The following C13orf42 variants were observed in gnomAD, a reference collection of about 807,000 sequenced individuals.
The protein encoded by C13orf42 is chromosome 13 open reading frame 42, also known as uncharacterized protein C13orf42.
At chr13:51,147,925 C>T (rs962218425) in intron 1 of C13orf42, among the ~76,000 whole-genome samples, 10 of 150,856 alleles carry the variant, frequency 6.6e-5, no homozygotes, top group Admixed American at 4.6e-4. Flanking sequence ...ATGGAGAGGG[C>T]TTGAGAAGCC....
chr13:51,103,508 C>T (rs1593534100), intron 1 of C13orf42, among the ~76,000 whole-genome samples: 1 of 152,090 alleles, frequency 6.6e-6, no homozygotes, highest in African/African-American at 2.4e-5. Context: ...TGAGACCAGC[C>T]TGGCCAACAT....
At chr13:51,087,315 C>T (rs1410919877) in intron 2 of C13orf42, among the ~76,000 whole-genome samples, 1 of 152,216 alleles carries the variant, frequency 6.6e-6, no homozygotes, top group Non-Finnish European at 1.5e-5. Flanking sequence ...GTGGGCCTCT[C>T]CTGCCCTATG....
At chr13:51,129,992 G>A (rs888525885) in intron 1 of C13orf42, among the ~76,000 whole-genome samples, 1 of 152,146 alleles carries the variant, frequency 6.6e-6, no homozygotes, top group Non-Finnish European at 1.5e-5. Flanking sequence ...TCAATTCCTG[G>A]CTTATGGAAT....
chr13:51,110,299 C>A (rs186600394), intron 1 of C13orf42, among the ~76,000 whole-genome samples: 1 of 152,304 alleles, frequency 6.6e-6, no homozygotes, highest in Admixed American at 6.5e-5. Flanking sequence ...GCCATGCAAG[C>A]ATTATCTCAC....
rs528806014 is a variant in C13orf42, at chr13:51,139,034, C to T, written n.137-25812G>A. Among the ~76,000 whole-genome samples the T allele has an allele frequency of 1.3e-4, 20 of 152,208 alleles. No homozygotes were observed. The East Asian group carries it at 1.5e-3, about 12-fold the overall frequency. On this transcript the variant is annotated intron_variant and non_coding_transcript_variant, in intron 1 of 4. Transcript: ENST00000433280. Reference sequence around the variant, plus strand: ...TGAGGTGGCTAAAATAGTCAAACTCCGGCCGGGTGCAGTAGTTCACACCTG... The same window carrying T: ...TGAGGTGGCTAAAATAGTCAAACTCTGGCCGGGTGCAGTAGTTCACACCTG...
intron 1 of C13orf42, among the ~76,000 whole-genome samples, chr13:51,089,981 G>A (rs1953165866): frequency 6.6e-6 from 1 of 151,874 alleles, no homozygotes; most frequent in Non-Finnish European, 1.5e-5. Flanking sequence ...GCTGAGAAGA[G>A]GGACAATTCA....
At chr13:51,132,090 A>T (rs1174076369) in intron 1 of C13orf42, among the ~76,000 whole-genome samples, 2 of 152,212 alleles carry the variant, frequency 1.3e-5, no homozygotes, top group Non-Finnish European at 2.9e-5. Context: ...AACTTGAGAT[A>T]ATTTTGCTTA....
intron 1 of C13orf42, among the ~76,000 whole-genome samples, chr13:51,118,299 G>A (rs1323128323): frequency 1.3e-5 from 2 of 152,208 alleles, no homozygotes; most frequent in South Asian, 4.1e-4. Flanking sequence ...CAAGATCAAA[G>A]TCTTCCTATT....
chr13:51,150,160 T>C (rs1953767949), intron 1 of C13orf42, among the ~76,000 whole-genome samples: 1 of 152,258 alleles, frequency 6.6e-6, no homozygotes, highest in South Asian at 2.1e-4. Context: ...TGATCAGCTT[T>C]TACTGCTGAC....
At chr13:51,084,635 C>T (rs1232635840) in intron 3 of C13orf42, among the ~76,000 whole-genome samples, 1 of 152,208 alleles carries the variant, frequency 6.6e-6, no homozygotes, top group Non-Finnish European at 1.5e-5. Flanking sequence ...GGTTTAGTGG[C>T]TTTTGTAGAA....
At chr13:51,167,358 CAGA>C (rs1306677729) in intron 1 of C13orf42, among the ~76,000 whole-genome samples, 1 of 152,058 alleles carries the variant, frequency 6.6e-6, no homozygotes, top group Non-Finnish European at 1.5e-5. Flanking sequence ...TTGGACAAGT[CAGA>C]AGAAGGGGGG....
chr13:51,146,472 G>A (rs987074975), intron 1 of C13orf42, among the ~76,000 whole-genome samples: 1 of 152,186 alleles, frequency 6.6e-6, no homozygotes, highest in Non-Finnish European at 1.5e-5. Context: ...AGTTAAGGAC[G>A]CACGCCCATG....
intron 1 of C13orf42, among the ~76,000 whole-genome samples, chr13:51,094,277 T>C (rs559491194): frequency 3.9e-4 from 59 of 152,330 alleles, no homozygotes; most frequent in Non-Finnish European, 5.1e-4. Context: ...ACGGATTTTA[T>C]TGCTACAGGG....
At chr13:51,103,012 G>T (rs1953309734) in intron 1 of C13orf42, among the ~76,000 whole-genome samples, 1 of 152,124 alleles carries the variant, frequency 6.6e-6, no homozygotes, top group South Asian at 2.1e-4. Context: ...GACACGTGGG[G>T]ATTACAATTT....
chr13:51,087,142 G>A (rs770896004), intron 2 of C13orf42, among the ~76,000 whole-genome samples: 3 of 152,206 alleles, frequency 2.0e-5, no homozygotes, highest in Non-Finnish European at 4.4e-5. Context: ...TCTGACAGTC[G>A]CATGATGGAA....
chr13:51,120,443 G>A (rs139252716), intron 1 of C13orf42, among the ~76,000 whole-genome samples: 2 of 152,178 alleles, frequency 1.3e-5, no homozygotes, highest in Non-Finnish European at 2.9e-5. Context: ...GCTCCCTGCT[G>A]TATCCACATT....
intron 1 of C13orf42, among the ~76,000 whole-genome samples, chr13:51,096,371 G>T (rs926963527): frequency 3.9e-5 from 6 of 152,150 alleles, no homozygotes; most frequent in Non-Finnish European, 5.9e-5. Context: ...TGGGGATGTG[G>T]CCTTCTCCAT....
In C13orf42 at chr13:51,100,093, G is replaced by T. The variant is rs79122998; in HGVS notation, c.414+10703C>A. ...ATAGTGTTGGAAAACTTTGCTATTCGGGAAAATTCAAGTTGTGTTCTCAGT... is the reference window on the plus strand; with the variant it reads ...ATAGTGTTGGAAAACTTTGCTATTCTGGAAAATTCAAGTTGTGTTCTCAGT... On this transcript the variant is annotated intron_variant, in intron 1 of 3. Transcript: ENST00000563710. Among the ~76,000 whole-genome samples the T allele has an allele frequency of 6.9e-3, 1,048 of 151,788 alleles. 12 individuals are homozygous for T. The highest frequency in any genetic ancestry group is 0.024 in the African/African-American group (1,004 of 41,324).
intron 1 of C13orf42, among the ~76,000 whole-genome samples, chr13:51,102,662 T>C (rs1316091711): frequency 6.6e-6 from 1 of 152,162 alleles, no homozygotes; most frequent in Admixed American, 6.5e-5. Context: ...CAGGGATCCA[T>C]GAGAGAATTA....
Sources: allele counts gnomAD v4.1 joint callset (sites outside exome capture counted in the v4.1 genomes callset), GRCh38; gene constraint gnomAD v4.1.1; transcripts MANE v1.5; gene names NCBI Gene and HGNC (gene_info 2026-07-23, HGNC 2026-07-21).